Variants in TMEM106C observed in about 807,000 individuals in gnomAD.
TMEM106C encodes the protein endoplasmic reticulum membrane protein overexpressed in cancer.
Under a neutral mutation model 30.8 loss-of-function variants are expected in TMEM106C, and 27 were observed. That is an observed-to-expected ratio of 0.88 (90% CI 0.65 to 1.21). The LOEUF (loss-of-function observed/expected upper bound fraction) is 1.21. Among genes scored for constraint, TMEM106C ranks in the 50% most tolerant of loss-of-function variants. TMEM106C has a pLI of 0.00. For synonymous variants in TMEM106C, 123 were observed against 118.8 expected, an observed-to-expected ratio of 1.04 and a Z score of -0.23; for missense variants, 288 against 307.8, an observed-to-expected ratio of 0.94 and a Z score of 0.48.
At chr12:47,964,125 C>T (rs1422109195) in intron 1 of TMEM106C, 84 bp from the exon 2 acceptor site, 9 of 1,228,274 alleles carry the variant, frequency 7.3e-6, no homozygotes, top group South Asian at 2.9e-5. Context: ...GTCATTTTTG[C>T]GTTTTTAATT....
Position 47,965,963 on chromosome 12 carries a change from A to G in TMEM106C, c.377A>G (p.Asn126Ser). The G allele has an allele frequency of 6.2e-6, 10 of 1,614,240 alleles. No homozygotes were observed. Among genetic ancestry groups the G allele is most frequent in the Non-Finnish European group, 8.5e-6 (10 of 1,180,056 alleles). The part of the protein sequence containing the change: ...DGIKVVKVTF[N>S]KQDSLVILTI... ...ATCAAAGTGGTGAAAGTCACATTTA[A>G]TAAGCAAGACTCCCTTGTAATTCTC... Residue 126 changes from asparagine (N) to serine (S), a missense_variant, in exon 4 of 8, where the codon AAT becomes AGT. Coordinates refer to ENST00000429772, the MANE Select transcript of TMEM106C (RefSeq NM_001143842.2).
chr12:47,966,643 C>A (rs1938231303), intron 5 of TMEM106C, 40 bp from the exon 6 acceptor site: 1 of 1,610,094 alleles, frequency 6.2e-7, no homozygotes, highest in African/African-American at 1.3e-5. Context: ...CTGTGTCAAG[C>A]CTGCTTGGCC....
At position 47,966,207 on chromosome 12, in the gene TMEM106C, T is replaced by C. The variant is rs1565658591; in HGVS notation, c.530T>C (p.Ile177Thr). 1 of 1,614,136 alleles carries C rather than the reference T, an allele frequency of 6.2e-7. No individual in the cohort carries two copies. The highest frequency in any genetic ancestry group is 8.5e-7 in the Non-Finnish European group (1 of 1,180,022). The change falls in exon 5 of 8, where the codon ATT (isoleucine) becomes ACT (threonine). Residue 177 changes from isoleucine (I) to threonine (T), a missense_variant. Coordinates refer to ENST00000429772, the MANE Select transcript of TMEM106C (RefSeq NM_001143842.2). The stretch of plus-strand genomic sequence containing the variant: ...TATGTGACTACTAACGTCTCCCTTA[T>C]TCCACCTCGGAGTGAGCAACTGGTA... ...STYVTTNVSL[I>T]PPRSEQLVNF...
At chr12:47,965,759 C>A in intron 3 of TMEM106C, 79 bp from the exon 4 acceptor site, 1 of 1,544,884 alleles carries the variant, frequency 6.5e-7, no homozygotes, top group South Asian at 1.2e-5. Context: ...CTTCTCTTTC[C>A]TGGTTTTGTG....
chr12:47,965,604 C>G, intron 3 of TMEM106C: 1 of 677,202 alleles, frequency 1.5e-6, no homozygotes, highest in Non-Finnish European at 2.6e-6. Flanking sequence ...AGGTGTGGGA[C>G]TGTCTCTGTC....
intron 1 of TMEM106C, 32 bp from the exon 2 acceptor site, chr12:47,964,177 C>T (rs1938141926): frequency 5.8e-6 from 9 of 1,547,076 alleles, no homozygotes; most frequent in Middle Eastern, 4.0e-4. Context: ...TTCACTGGGG[C>T]CGCTAACGTG....
At position 47,967,107 on chromosome 12, in the gene TMEM106C, G is replaced by C. The variant is rs1020427699; in HGVS notation, c.603-101G>C. 1.8e-5 allele frequency: 22 copies of C among 1,226,230 alleles called. No individual in the cohort carries two copies. The African/African-American group carries it at 1.8e-4, about 10-fold the overall frequency. The allele number at this position is 1,226,230 out of a possible 1,614,324, so 76.0% of individuals were successfully genotyped here. On this transcript the variant is annotated intron_variant, in intron 6 of 7. Transcript: ENST00000429772. ...GCCTTGGCAGCACTTAGGTCGGAAG[G>C]GGGAGGGGGGCACCCCAAACAGGAC...
intron 7 of TMEM106C, 73 bp downstream of exon 7, chr12:47,967,334 G>A: frequency 4.6e-6 from 7 of 1,526,784 alleles, no homozygotes; most frequent in Non-Finnish European, 6.4e-6. Flanking sequence ...GGAGGCCCCT[G>A]TGTGACCACA....
chr12:47,964,941 T>C (rs2136479772), intron 2 of TMEM106C, among the ~76,000 whole-genome samples: 2 of 152,296 alleles, frequency 1.3e-5, no homozygotes, highest in Middle Eastern at 6.8e-3. Context: ...TAGAGCTGGT[T>C]AGGACCTTCA....
chr12:47,965,650 T>G (rs1938195007), intron 3 of TMEM106C, 188 bp from the exon 4 acceptor site: 2 of 771,400 alleles, frequency 2.6e-6, no homozygotes, highest in East Asian at 4.9e-5. Flanking sequence ...CTTCCCAGAG[T>G]GCAAACAGTG....
At chr12:47,966,776 A>G (rs1328672570) in intron 6 of TMEM106C, 44 bp downstream of exon 6, 3 of 1,606,096 alleles carry the variant, frequency 1.9e-6, no homozygotes, top group Admixed American at 1.7e-5. Context: ...ACTGGAGGAA[A>G]GGGATTCAAA....
At chr12:47,966,635 G>A (rs1457768039) in intron 5 of TMEM106C, 48 bp from the exon 6 acceptor site, 1 of 1,601,270 alleles carries the variant, frequency 6.2e-7, no homozygotes, top group Non-Finnish European at 8.6e-7. Flanking sequence ...ATACTGTTCT[G>A]TGTCAAGCCT....
chr12:47,967,173 A>C, intron 6 of TMEM106C, 35 bp from the exon 7 acceptor site: 2 of 1,612,568 alleles, frequency 1.2e-6, no homozygotes, highest in African/African-American at 2.7e-5. Context: ...TTAAAAAAAA[A>C]AAAACTGACT....
intron 4 of TMEM106C, 37 bp from the exon 5 acceptor site, chr12:47,966,052 G>A (rs943172508): frequency 2.5e-6 from 4 of 1,614,174 alleles, no homozygotes; most frequent in Admixed American, 1.7e-5. Flanking sequence ...TGGGACCCAG[G>A]ACACTTACAC....
In TMEM106C at chr12:47,967,203, G is replaced by C. The variant is rs1442209965; in HGVS notation, c.603-5G>C. 2 of 1,613,118 alleles carry C rather than the reference G, an allele frequency of 1.2e-6. No individual in the cohort carries two copies. ...CTGACTATTTCCATATTTGCTGTTT[G>C]GTAGCTTCTTCTGCACGGTACCTGA... On this transcript the variant is annotated splice_polypyrimidine_tract_variant and splice_region_variant and intron_variant, in intron 6 of 7. Coordinates refer to ENST00000429772, the MANE Select transcript of TMEM106C (RefSeq NM_001143842.2).
intron 2 of TMEM106C, 105 bp downstream of exon 2, chr12:47,964,528 A>G: frequency 9.3e-7 from 1 of 1,072,474 alleles, no homozygotes; most frequent in Non-Finnish European, 1.4e-6. Context: ...CATAATAGAG[A>G]CAGTGCCCTG....
chr12:47,967,434 A>G (rs1364179030), intron 7 of TMEM106C, among the ~76,000 whole-genome samples, 173 bp downstream of exon 7: 1 of 152,242 alleles, frequency 6.6e-6, no homozygotes. Flanking sequence ...CAGTGTCCAC[A>G]TGCCCTTCAC....
At chr12:47,967,522 A>G (rs1938280454) in intron 7 of TMEM106C, among the ~76,000 whole-genome samples, 1 of 152,242 alleles carries the variant, frequency 6.6e-6, no homozygotes, top group Admixed American at 6.5e-5. Context: ...TGATCCCCTC[A>G]GAATCCTAAT....
At chr12:47,965,396 T>G in intron 3 of TMEM106C, 51 bp downstream of exon 3, 1 of 1,485,094 alleles carries the variant, frequency 6.7e-7, no homozygotes, top group Non-Finnish European at 9.4e-7. Flanking sequence ...CCCTAATCTC[T>G]TTCTGTATGT....
Sources: gnomAD v4.1 joint callset for allele counts (sites outside exome capture counted in the v4.1 genomes callset) on GRCh38, gnomAD v4.1.1 for gene constraint, MANE v1.5 for transcripts, NCBI Gene and HGNC (gene_info 2026-07-23, HGNC 2026-07-21) for gene names.